The following SPATA4 variants were observed in gnomAD, a reference collection of about 807,000 sequenced individuals.
The protein encoded by SPATA4 is spermatogenesis associated 4.
In SPATA4, 35 loss-of-function variants were observed where a neutral mutation model predicts 31.8. That is an observed-to-expected ratio of 1.10 (90% CI 0.84 to 1.46). The LOEUF is 1.46. Ranked by LOEUF, SPATA4 falls within the 40% of genes most tolerant of loss-of-function variation. SPATA4 has a pLI of 0.00. For synonymous variants in SPATA4, 126 were observed against 132.4 expected, an observed-to-expected ratio of 0.95 and a Z score of 0.33; for missense variants, 394 against 363.1, an observed-to-expected ratio of 1.09 and a Z score of -0.69.
intron 4 of SPATA4, among the ~76,000 whole-genome samples, chr4:176,188,627 A>G (rs1752481183): frequency 6.6e-6 from 1 of 152,222 alleles, no homozygotes; most frequent in African/African-American, 2.4e-5. Context: ...TTTCCAAGAC[A>G]GTATTCTAAA....
At chr4:176,195,053 T>C (rs1031477274) in intron 1 of SPATA4, among the ~76,000 whole-genome samples, 9 of 152,188 alleles carry the variant, frequency 5.9e-5, no homozygotes, top group African/African-American at 1.9e-4. Flanking sequence ...CCAGTATTAA[T>C]GCCCAATATC....
At position 176,189,237 on chromosome 4, in the gene SPATA4, G is replaced by A. The variant is rs117611440; in HGVS notation, c.689-1002C>T. ...TGAAAGGAGGTGAAGGGGTGGCAGC[G>A]AGGGATCAGTGTCATAGTGTTCTAA... On this transcript the variant is annotated intron_variant, in intron 4 of 5. Transcript: ENST00000280191. Among the ~76,000 whole-genome samples the A allele has an allele frequency of 8.5e-5, 13 of 152,306 alleles. No individual in the cohort carries two copies. The East Asian group carries it at 1.2e-3, about 14-fold the overall frequency.
At chr4:176,191,533 G>A (rs769751800) in intron 4 of SPATA4, among the ~76,000 whole-genome samples, 14 of 152,196 alleles carry the variant, frequency 9.2e-5, no homozygotes, top group Non-Finnish European at 2.1e-4. Context: ...AACCTGTGTA[G>A]GGATATACAA....
At chr4:176,186,486 G>A (rs1752442777) in intron 5 of SPATA4, among the ~76,000 whole-genome samples, 1 of 152,182 alleles carries the variant, frequency 6.6e-6, no homozygotes, top group Non-Finnish European at 1.5e-5. Context: ...AACAGAAGAA[G>A]GTTGAGGCAG....
chr4:176,191,390 G>A (rs570645120), intron 4 of SPATA4, among the ~76,000 whole-genome samples: 18 of 152,256 alleles, frequency 1.2e-4, no homozygotes, highest in East Asian at 5.8e-4. Flanking sequence ...CACCGCACCC[G>A]GCCTAGATTT....
chr4:176,189,507 C>T (rs1427198740), intron 4 of SPATA4, among the ~76,000 whole-genome samples: 5 of 150,634 alleles, frequency 3.3e-5, no homozygotes, highest in East Asian at 1.9e-4. Context: ...CATATAACAA[C>T]GGGCAGTATT....
intron 4 of SPATA4, among the ~76,000 whole-genome samples, chr4:176,189,852 TAAAG>T (rs1340373195): frequency 1.3e-5 from 2 of 152,154 alleles, no homozygotes; most frequent in Non-Finnish European, 2.9e-5. Context: ...GACACCAAGT[TAAAG>T]AAGGAAGCAG....
chr4:176,192,562 C>T (rs985073268), intron 4 of SPATA4, 65 bp downstream of exon 4: 5 of 1,382,604 alleles, frequency 3.6e-6, no homozygotes, highest in Non-Finnish European at 5.1e-6. Context: ...ACATTTCTTT[C>T]ATCTGTGCTC....
At chr4:176,188,077 C>CAA (rs199755794) in intron 5 of SPATA4, 42 bp downstream of exon 5, 3 of 1,395,612 alleles carry the variant, frequency 2.1e-6, no homozygotes, top group African/African-American at 2.9e-5. Flanking sequence ...GAAAGTCAAG[C>CAA]AAAAAAAAAT....
At chr4:176,190,342 G>T (rs1376573379) in intron 4 of SPATA4, among the ~76,000 whole-genome samples, 1 of 152,082 alleles carries the variant, frequency 6.6e-6, no homozygotes, top group Non-Finnish European at 1.5e-5. Context: ...AATATAGGAG[G>T]ATATATTTAT....
At chr4:176,193,195 C>A in intron 2 of SPATA4, 119 bp from the exon 3 acceptor site, 1 of 778,946 alleles carries the variant, frequency 1.3e-6, no homozygotes. Flanking sequence ...GTGTTTAACA[C>A]GTTAGTTATT....
In SPATA4 at chr4:176,193,515, A is replaced by G. The variant is rs1019651860; in HGVS notation, c.286T>C (p.Ser96Pro). The change falls in exon 2 of 6, where the codon TCA becomes CCA. Residue 96 changes from serine (S) to proline (P), a missense_variant. Coordinates refer to ENST00000280191, the MANE Select transcript of SPATA4 (RefSeq NM_144644.4). Reference protein sequence around the residue: ...CIYYPWELELSSFENGTSLKV... With the variant: ...CIYYPWELELPSFENGTSLKV... ...AAAGAGGTCCCGTTTTCAAAGGATGATAATTCAAGTTCCCAGGGGTAATAT... is the reference window on the plus strand; with the variant it reads ...AAAGAGGTCCCGTTTTCAAAGGATGGTAATTCAAGTTCCCAGGGGTAATAT... 6.2e-7 allele frequency: 1 copy of G among 1,613,708 alleles called. No homozygotes were observed. Among genetic ancestry groups the G allele is most frequent in the Non-Finnish European group, 8.5e-7 (1 of 1,179,958 alleles).
intron 1 of SPATA4, 24 bp from the exon 2 acceptor site, chr4:176,193,606 G>C: frequency 3.2e-6 from 5 of 1,578,228 alleles, no homozygotes; most frequent in Non-Finnish European, 4.3e-6. Context: ...ATTAGGAAAT[G>C]AAATAAAGTG....
chr4:176,191,515 T>C (rs1209370044), intron 4 of SPATA4, among the ~76,000 whole-genome samples: 1 of 152,238 alleles, frequency 6.6e-6, no homozygotes, highest in African/African-American at 2.4e-5. Context: ...AGTAATGTTC[T>C]ATTTCTTAAC....
chr4:176,188,099 A>G lies in SPATA4; in HGVS notation c.805+20T>C. The G allele has an allele frequency of 6.5e-7, 1 of 1,539,508 alleles. No individual in the cohort carries two copies. The highest frequency in any genetic ancestry group is 9.0e-7 in the Non-Finnish European group (1 of 1,116,540). The stretch of plus-strand genomic sequence containing the variant: ...AAGCAAAAAAAAATCAATTTTAAGA[A>G]GCAAAGAGTTAAAACTTACGTAAAA... On this transcript the variant is annotated intron_variant, in intron 5 of 5. Transcript: ENST00000280191.
At chr4:176,188,349 T>A in intron 4 of SPATA4, 114 bp from the exon 5 acceptor site, 1 of 686,212 alleles carries the variant, frequency 1.5e-6, no homozygotes. Context: ...TTTATCATAT[T>A]CCTGAGTAGT....
At chr4:176,188,314 A>C in intron 4 of SPATA4, 79 bp from the exon 5 acceptor site, 12 of 886,356 alleles carry the variant, frequency 1.4e-5, no homozygotes, top group Non-Finnish European at 2.1e-5. Flanking sequence ...TAATTTAAAA[A>C]TTAAGTAAAT....
rs1416990825 is a variant in SPATA4, at chr4:176,195,449, C to T, written c.114G>A (p.Lys38=). 9.3e-6 allele frequency: 15 copies of T among 1,614,266 alleles called. No individual in the cohort carries two copies. The highest frequency in any genetic ancestry group is 1.3e-5 in the Non-Finnish European group (15 of 1,180,054). ...TCGGCGCATGCGGATAGACCAGACA[C>T]TTCTTAGGCCTCCCTCGGATGGGAG... ...LAAPIRGRPK[K]CLVYPHAPKS... The change falls in exon 1 of 6, where the codon AAG becomes AAA. Residue 38 remains lysine, a synonymous_variant. Coordinates refer to ENST00000280191, the MANE Select transcript of SPATA4 (RefSeq NM_144644.4).
At chr4:176,190,625 GT>G (rs1752513647) in intron 4 of SPATA4, among the ~76,000 whole-genome samples, 1 of 152,176 alleles carries the variant, frequency 6.6e-6, no homozygotes, top group African/African-American at 2.4e-5. Context: ...TCAGGCCCCT[GT>G]TTATTGCCTG....
Sources: allele counts gnomAD v4.1 joint callset (sites outside exome capture counted in the v4.1 genomes callset), GRCh38; gene constraint gnomAD v4.1.1; transcripts MANE v1.5; gene names NCBI Gene and HGNC (gene_info 2026-07-23, HGNC 2026-07-21).